The following ELMO1 variants were observed in gnomAD, a reference collection of about 807,000 sequenced individuals.
The protein encoded by ELMO1 is engulfment and cell motility protein 1.
Under a neutral mutation model 98.9 loss-of-function variants are expected in ELMO1, and 26 were observed. The ratio of observed to expected loss-of-function variants is 0.26; its 90% CI spans 0.19 to 0.36. ELMO1 has a LOEUF of 0.36. Ranked by LOEUF, ELMO1 falls within the 10% of genes least tolerant of loss-of-function variation. The probability of loss-of-function intolerance (pLI) is 1.00; values close to 1 mark genes in which losing one functional copy is unlikely to be tolerated. For synonymous variants in ELMO1, 346 were observed against 346.0 expected (o/e 1.00, Z 0.00); for missense variants, 627 against 935.2 (o/e 0.67, Z 4.30).
At chr7:37,321,735 A>C (rs1049888758) in intron 2 of ELMO1, among the ~76,000 whole-genome samples, 1 of 140,754 alleles carries the variant, frequency 7.1e-6, no homozygotes, top group Non-Finnish European at 1.6e-5. Flanking sequence ...AAAAAAAAAA[A>C]AAACACAGAA....
chr7:36,995,100 A>T (rs1792111958), intron 16 of ELMO1, among the ~76,000 whole-genome samples: 1 of 152,250 alleles, frequency 6.6e-6, no homozygotes, highest in Non-Finnish European at 1.5e-5. Flanking sequence ...TTAGGTAGCA[A>T]AGATGGGGAA....
chr7:37,305,903 A>G (rs1401680386), intron 4 of ELMO1, among the ~76,000 whole-genome samples: 1 of 152,210 alleles, frequency 6.6e-6, no homozygotes, highest in Non-Finnish European at 1.5e-5. Flanking sequence ...TGATCAGCTA[A>G]CAGATACCTG....
At chr7:36,950,142 A>C (rs1281008647) in intron 16 of ELMO1, among the ~76,000 whole-genome samples, 1 of 152,160 alleles carries the variant, frequency 6.6e-6, no homozygotes, top group Non-Finnish European at 1.5e-5. Flanking sequence ...AAAACAAGAA[A>C]CAATGTACTA....
intron 2 of ELMO1, among the ~76,000 whole-genome samples, chr7:37,321,470 C>T (rs1237274156): frequency 2.0e-5 from 3 of 151,916 alleles, no homozygotes; most frequent in African/African-American, 7.3e-5. Context: ...GTAATCCCAG[C>T]ACTTTGGGAG....
At chr7:36,861,175 T>C (rs915300578) in intron 21 of ELMO1, among the ~76,000 whole-genome samples, 1 of 152,168 alleles carries the variant, frequency 6.6e-6, no homozygotes, top group Non-Finnish European at 1.5e-5. Flanking sequence ...AAATTATACA[T>C]ATAACAAGAT....
intron 15 of ELMO1, among the ~76,000 whole-genome samples, chr7:37,065,579 G>A (rs1289515899): frequency 1.3e-5 from 2 of 152,088 alleles, no homozygotes; most frequent in East Asian, 3.9e-4. Flanking sequence ...CCATGGGTTT[G>A]CATGCTGGAC....
At chr7:37,021,592 A>C (rs529392632) in intron 15 of ELMO1, among the ~76,000 whole-genome samples, 10 of 152,208 alleles carry the variant, frequency 6.6e-5, no homozygotes, top group Non-Finnish European at 1.2e-4. Flanking sequence ...CTGCATGCAA[A>C]TGTTGACGTC....
At chr7:37,283,911 C>T (rs113383989) in intron 4 of ELMO1, among the ~76,000 whole-genome samples, 1,547 of 152,340 alleles carry the variant, frequency 0.01, 8 homozygotes, top group Non-Finnish European at 0.015. Flanking sequence ...AATGCCTGCT[C>T]TTGGTCTTTA....
At chr7:37,265,565 C>T (rs765249036) in intron 5 of ELMO1, among the ~76,000 whole-genome samples, 1 of 152,042 alleles carries the variant, frequency 6.6e-6, no homozygotes, top group African/African-American at 2.4e-5. Context: ...CCCTGTCCAG[C>T]CCTGCATGGA....
intron 1 of ELMO1, among the ~76,000 whole-genome samples, chr7:37,419,460 G>C (rs1013977102): frequency 2.6e-5 from 4 of 152,022 alleles, no homozygotes; most frequent in African/African-American, 9.7e-5. Flanking sequence ...TGTCCTCTCA[G>C]GGTTGTTGTA....
intron 1 of ELMO1, among the ~76,000 whole-genome samples, chr7:37,434,560 T>G (rs768522215): frequency 6.6e-6 from 1 of 152,190 alleles, no homozygotes; most frequent in Non-Finnish European, 1.5e-5. Context: ...GATGTAAAAT[T>G]TACAGGTTGA....
chr7:37,233,920 TG>T (rs1231494905), intron 7 of ELMO1, among the ~76,000 whole-genome samples: 2 of 152,184 alleles, frequency 1.3e-5, no homozygotes, highest in African/African-American at 4.8e-5. Flanking sequence ...GGCTATAAGG[TG>T]GGTCTAATAT....
At chr7:37,039,218 T>C (rs1187333245) in intron 15 of ELMO1, among the ~76,000 whole-genome samples, 1 of 152,194 alleles carries the variant, frequency 6.6e-6, no homozygotes, top group African/African-American at 2.4e-5. Context: ...TATATACTTA[T>C]CAAGGGGCAG....
chr7:37,351,922 ACTG>A (rs1406331090), intron 1 of ELMO1, among the ~76,000 whole-genome samples: 1 of 152,196 alleles, frequency 6.6e-6, no homozygotes, highest in Non-Finnish European at 1.5e-5. Flanking sequence ...CCTCTGTGGG[ACTG>A]CTATCAGAAG....
chr7:37,186,134 G>T (rs962753344), intron 13 of ELMO1, among the ~76,000 whole-genome samples: 1 of 152,152 alleles, frequency 6.6e-6, no homozygotes, highest in Non-Finnish European at 1.5e-5. Context: ...AATGGAACAG[G>T]ATTAAGAATC....
chr7:37,391,830 C>G (rs1222653049), intron 1 of ELMO1, among the ~76,000 whole-genome samples: 1 of 152,182 alleles, frequency 6.6e-6, no homozygotes, highest in African/African-American at 2.4e-5. Context: ...CCACAGGTTC[C>G]AGGGCTAAGT....
At chr7:36,882,688 C>G (rs1392038604) in intron 18 of ELMO1, among the ~76,000 whole-genome samples, 1 of 152,222 alleles carries the variant, frequency 6.6e-6, no homozygotes, top group Non-Finnish European at 1.5e-5. Context: ...ATTGTAAAAA[C>G]TTCAGAAATC....
At chr7:37,038,041 A>G (rs1795290967) in intron 15 of ELMO1, among the ~76,000 whole-genome samples, 1 of 152,130 alleles carries the variant, frequency 6.6e-6, no homozygotes, top group Non-Finnish European at 1.5e-5. Flanking sequence ...ATCATCCCCT[A>G]TATCTTAAAA....
chr7:37,229,204 A>G (rs952142544), intron 8 of ELMO1, among the ~76,000 whole-genome samples: 2 of 152,188 alleles, frequency 1.3e-5, no homozygotes, highest in African/African-American at 4.8e-5. Context: ...TTTCAAGAGC[A>G]TTTATATGAA....
Sources: gnomAD v4.1 joint callset for allele counts (sites outside exome capture counted in the v4.1 genomes callset) on GRCh38, gnomAD v4.1.1 for gene constraint, MANE v1.5 for transcripts, NCBI Gene and HGNC (gene_info 2026-07-23, HGNC 2026-07-21) for gene names.